The following DAOA variants were observed in gnomAD, a reference collection of about 807,000 sequenced individuals.
DAOA encodes D-amino acid oxidase activator.
In DAOA, 15 loss-of-function variants were observed where a neutral mutation model predicts 16.4. The ratio of observed to expected loss-of-function variants is 0.91; its 90% CI spans 0.61 to 1.41. The LOEUF (loss-of-function observed/expected upper bound fraction) is 1.41. DAOA is among the 40% of genes most tolerant of loss of function. The pLI is 0.00. For missense variants in DAOA, 230 were observed against 176.8 expected, an observed-to-expected ratio of 1.30 and a Z score of -1.71; for synonymous variants, 75 against 59.1, an observed-to-expected ratio of 1.27 and a Z score of -1.23.
At chr13:105,485,802 C>A (rs1411710873) in intron 4 of DAOA, among the ~76,000 whole-genome samples, 2 of 152,088 alleles carry the variant, frequency 1.3e-5, no homozygotes, top group African/African-American at 4.8e-5. Context: ...GCAAGGAGCT[C>A]CATGGATTGC....
chr13:105,469,143 A>C (rs1443200825), intron 3 of DAOA, among the ~76,000 whole-genome samples: 1 of 152,178 alleles, frequency 6.6e-6, no homozygotes, highest in Non-Finnish European at 1.5e-5. Context: ...TAGATAGTTA[A>C]GTACCATACC....
chr13:105,472,755 G>A, intron 4 of DAOA, 70 bp downstream of exon 4: 1 of 1,434,694 alleles, frequency 7.0e-7, no homozygotes, highest in South Asian at 1.4e-5. Flanking sequence ...ACTTACGAAA[G>A]CAACTTCTCT....
At chr13:105,486,817 A>G (rs1271710878) in intron 4 of DAOA, among the ~76,000 whole-genome samples, 1 of 151,880 alleles carries the variant, frequency 6.6e-6, no homozygotes, top group Non-Finnish European at 1.5e-5. Flanking sequence ...ATGAGGTTTC[A>G]CCATGTTGGC....
intron 3 of DAOA, among the ~76,000 whole-genome samples, chr13:105,468,107 C>T (rs752209309): frequency 2.0e-5 from 3 of 152,252 alleles, no homozygotes; most frequent in African/African-American, 7.2e-5. Flanking sequence ...ACTCTTCTTC[C>T]AGCATCCCCC....
intron 3 of DAOA, among the ~76,000 whole-genome samples, chr13:105,470,279 A>G (rs956607979): frequency 6.6e-6 from 1 of 152,166 alleles, no homozygotes; most frequent in African/African-American, 2.4e-5. Context: ...GTCCTCATAT[A>G]AAATGCTATT....
At chr13:105,469,273 G>A (rs1178667121) in intron 3 of DAOA, among the ~76,000 whole-genome samples, 5 of 152,138 alleles carry the variant, frequency 3.3e-5, no homozygotes, top group Non-Finnish European at 5.9e-5. Context: ...GGTGTGTACC[G>A]TTAGTTCCTG....
chr13:105,479,283 T>C (rs1877549194), intron 4 of DAOA, among the ~76,000 whole-genome samples: 1 of 152,236 alleles, frequency 6.6e-6, no homozygotes, highest in Non-Finnish European at 1.5e-5. Flanking sequence ...ATTACAGAAG[T>C]GTAAGAATGC....
chr13:105,469,812 G>A (rs974845147), intron 3 of DAOA, among the ~76,000 whole-genome samples: 1 of 152,142 alleles, frequency 6.6e-6, no homozygotes, highest in African/African-American at 2.4e-5. Flanking sequence ...TATTTTTCTA[G>A]CAATTGTCTA....
chr13:105,467,005 A>G, intron 2 of DAOA, 48 bp from the exon 3 acceptor site: 1 of 1,578,060 alleles, frequency 6.3e-7, no homozygotes, highest in Non-Finnish European at 8.6e-7. Flanking sequence ...TCTCTTCTGC[A>G]GGGTATAAAG....
chr13:105,478,987 A>T (rs555454297), intron 4 of DAOA, among the ~76,000 whole-genome samples: 1 of 152,276 alleles, frequency 6.6e-6, no homozygotes, highest in African/African-American at 2.4e-5. Context: ...TTATTTGTTG[A>T]TTCATCCATT....
At chr13:105,476,499 C>A (rs1393924261) in intron 4 of DAOA, among the ~76,000 whole-genome samples, 1 of 95,736 alleles carries the variant, frequency 1.0e-5, no homozygotes, top group Non-Finnish European at 2.1e-5. Context: ...AAACATGAAT[C>A]TGTAAAAAAA....
At chr13:105,473,730 T>C (rs1877152076) in intron 4 of DAOA, among the ~76,000 whole-genome samples, 1 of 152,128 alleles carries the variant, frequency 6.6e-6, no homozygotes, top group Non-Finnish European at 1.5e-5. Flanking sequence ...ATAATCTGTC[T>C]ATAAAGTAGT....
intron 3 of DAOA, among the ~76,000 whole-genome samples, chr13:105,470,329 C>G (rs1876844254): frequency 6.6e-6 from 1 of 152,116 alleles, no homozygotes; most frequent in East Asian, 1.9e-4. Flanking sequence ...CTCTGTGTAG[C>G]CATGCTGGCA....
At chr13:105,468,651 G>A (rs1237868919) in intron 3 of DAOA, among the ~76,000 whole-genome samples, 1 of 152,216 alleles carries the variant, frequency 6.6e-6, no homozygotes, top group Non-Finnish European at 1.5e-5. Flanking sequence ...AATAATTTGA[G>A]AAGCAAAATA....
chr13:105,471,379 C>T (rs1324821872), intron 3 of DAOA, among the ~76,000 whole-genome samples: 1 of 152,052 alleles, frequency 6.6e-6, no homozygotes, highest in Non-Finnish European at 1.5e-5. Flanking sequence ...GACTAAGAAC[C>T]AGTTCCAGGA....
At chr13:105,487,161 G>T (rs1369078240) in intron 4 of DAOA, among the ~76,000 whole-genome samples, 1 of 152,074 alleles carries the variant, frequency 6.6e-6, no homozygotes, top group Non-Finnish European at 1.5e-5. Flanking sequence ...AGCTGGTTTT[G>T]AAAATACCCG....
At chr13:105,482,369 A>G (rs1200253079) in intron 4 of DAOA, among the ~76,000 whole-genome samples, 1 of 148,552 alleles carries the variant, frequency 6.7e-6, no homozygotes, top group Non-Finnish European at 1.5e-5. Flanking sequence ...TTTTTTTTTT[A>G]ACTTCTAAGT....
At chr13:105,483,362 A>G (rs1356125114) in intron 4 of DAOA, among the ~76,000 whole-genome samples, 2 of 152,186 alleles carry the variant, frequency 1.3e-5, no homozygotes, top group Non-Finnish European at 2.9e-5. Flanking sequence ...ATGGGTAAAT[A>G]CCTAGATCAA....
chr13:105,482,893 A>G (rs1048994281), intron 4 of DAOA, among the ~76,000 whole-genome samples: 1 of 152,106 alleles, frequency 6.6e-6, no homozygotes, highest in African/African-American at 2.4e-5. Flanking sequence ...TGACACACTA[A>G]ACTGTACATA....
Sources: gnomAD v4.1 joint callset for allele counts (sites outside exome capture counted in the v4.1 genomes callset) on GRCh38, gnomAD v4.1.1 for gene constraint, MANE v1.5 for transcripts, NCBI Gene and HGNC (gene_info 2026-07-23, HGNC 2026-07-21) for gene names.